The following SYNE2 variants were observed in gnomAD, a reference collection of about 807,000 sequenced individuals.
SYNE2 encodes the protein spectrin repeat containing nuclear envelope protein 2, also known as nesprin-2.
Under a neutral mutation model 856.3 loss-of-function variants are expected in SYNE2, and 431 were observed. The ratio of observed to expected loss-of-function variants is 0.50; its 90% CI spans 0.47 to 0.55. SYNE2 has a LOEUF of 0.55. SYNE2 is among the 20% of genes least tolerant of loss of function. The probability of loss-of-function intolerance (pLI) is 0.00; values close to 1 mark genes in which losing one functional copy is unlikely to be tolerated. For synonymous variants in SYNE2, 2,923 were observed against 2,872.3 expected, an observed-to-expected ratio of 1.02 and a Z score of -0.56; for missense variants, 8,129 against 8,023.2, an observed-to-expected ratio of 1.01 and a Z score of -0.50.
chr14:64,156,112 T>C (rs1445622511), intron 85 of SYNE2, among the ~76,000 whole-genome samples: 1 of 152,218 alleles, frequency 6.6e-6, no homozygotes, highest in East Asian at 1.9e-4. Flanking sequence ...TTTGAAAATA[T>C]TCCTCCCGCT....
At chr14:63,859,241 GTTTA>G in intron 1 of SYNE2, among the ~76,000 whole-genome samples, 1 of 152,260 alleles carries the variant, frequency 6.6e-6, no homozygotes, top group East Asian at 1.9e-4. Flanking sequence ...TAGGCTTGAG[GTTTA>G]TTAATTTTAT....
intron 66 of SYNE2, among the ~76,000 whole-genome samples, chr14:64,116,542 C>T (rs1039068446): frequency 1.6e-4 from 24 of 152,126 alleles, no homozygotes. Flanking sequence ...CTCAGCCTCC[C>T]AAGTAGCTGG....
Position 64,159,395 on chromosome 14 carries a change from CT to C in SYNE2, c.16048del (p.Ser5350LeufsTer5). 2 of 1,613,956 alleles carry C rather than the reference CT, an allele frequency of 1.2e-6. No homozygotes were observed. Among genetic ancestry groups the C allele is most frequent in the Non-Finnish European group, 1.7e-6 (2 of 1,179,900 alleles). On this transcript the variant is annotated frameshift_variant, in exon 87 of 116. Coordinates refer to ENST00000555002, the MANE Select transcript of SYNE2 (RefSeq NM_182914.3). LOFTEE classifies it high-confidence loss of function. ...VIGKLKGLCP[S>X]VAEIIEEKCQ... Reference sequence around the variant, plus strand: ...TCGGCAAACTCAAAGGTCTCTGCCCCTCTGTTGCTGAAATAATCGAAGAGAA... The same window carrying C: ...TCGGCAAACTCAAAGGTCTCTGCCCCCTGTTGCTGAAATAATCGAAGAGAA...
At chr14:64,076,338 G>T (rs767210836) in intron 54 of SYNE2, among the ~76,000 whole-genome samples, 3 of 152,148 alleles carry the variant, frequency 2.0e-5, no homozygotes, top group Admixed American at 2.0e-4. Flanking sequence ...TTCTTCTCTT[G>T]CATTTTATAA....
chr14:63,936,768 G>A (rs1223651854), intron 2 of SYNE2, among the ~76,000 whole-genome samples: 1 of 152,206 alleles, frequency 6.6e-6, no homozygotes. Context: ...ACTGCCTGCT[G>A]TGCTGAGCAT....
rs34926231 is a variant in SYNE2 at position 64,105,160 on chromosome 14, G to C, written c.12493-2331G>C. 8.5e-3 allele frequency among the ~76,000 whole-genome samples: 1,295 copies of C among 152,102 alleles called. 3 individuals are homozygous for C. Among genetic ancestry groups the C allele is most frequent in the Non-Finnish European group, 0.015 (988 of 68,004 alleles). On this transcript the variant is annotated intron_variant, in intron 64 of 115. Coordinates refer to ENST00000555002, the MANE Select transcript of SYNE2 (RefSeq NM_182914.3). ...ATTCTTATTACTTCCCTGGACTTTT[G>C]GAGTAGCCCTCTAATTGGTTTACAG...
At chr14:64,189,038 A>T (rs147485758) in intron 98 of SYNE2, 1 of 700,528 alleles carries the variant, frequency 1.4e-6, no homozygotes, top group South Asian at 1.5e-5. Flanking sequence ...AGTTGTTATT[A>T]AGAAGCTCCC....
chr14:63,995,080 C>G lies in SYNE2; in HGVS notation c.2818C>G (p.Leu940Val). 2 of 1,570,534 alleles carry G rather than the reference C, an allele frequency of 1.3e-6. No homozygotes were observed. The highest frequency in any genetic ancestry group is 2.3e-5 in the South Asian group (2 of 86,790). ...HHELSLYVQQ[L>V]KIDIEKGKLS... Reference sequence around the variant, plus strand: ...TGAACTGTCTTTATATGTTCAACAACTAAAAATAGATATTGAAAAAGGAAA... The same window carrying G: ...TGAACTGTCTTTATATGTTCAACAAGTAAAAATAGATATTGAAAAAGGAAA... Residue 940 changes from leucine (L) to valine (V), a missense_variant, in exon 23 of 116, where the codon CTA (leucine) becomes GTA (valine). Physicochemically the swap from Leu to Val is conservative, Grantham distance 32 (BLOSUM62 1). Transcript: ENST00000555002.
At chr14:64,201,593 C>T (rs1206647207) in intron 99 of SYNE2, among the ~76,000 whole-genome samples, 1 of 152,134 alleles carries the variant, frequency 6.6e-6, no homozygotes, top group African/African-American at 2.4e-5. Flanking sequence ...CTATTGAAGG[C>T]TTTGAGCGTG....
At chr14:64,071,222 C>T (rs1475494249) in intron 52 of SYNE2, among the ~76,000 whole-genome samples, 4 of 152,084 alleles carry the variant, frequency 2.6e-5, no homozygotes, top group African/African-American at 7.2e-5. Flanking sequence ...AGGCCGAGCG[C>T]GGTGGCTCAC....
intron 8 of SYNE2, among the ~76,000 whole-genome samples, chr14:63,959,287 C>CT (rs34198434): frequency 0.032 from 2,635 of 81,378 alleles, 283 homozygotes; most frequent in African/African-American, 0.062. Context: ...TTTTCTTCTT[C>CT]TTTTTTTTTT....
intron 2 of SYNE2, among the ~76,000 whole-genome samples, chr14:63,919,625 A>G (rs1313393248): frequency 6.6e-6 from 1 of 152,190 alleles, no homozygotes; most frequent in Non-Finnish European, 1.5e-5. Flanking sequence ...GAACAAGGAA[A>G]GGACACTGAG....
At position 64,139,902 on chromosome 14, in the gene SYNE2, G is replaced by A. The variant is rs777949890; in HGVS notation, c.14844-39G>A. On this transcript the variant is annotated intron_variant, in intron 79 of 115. Coordinates refer to ENST00000555002, the MANE Select transcript of SYNE2 (RefSeq NM_182914.3). ...GTGATGCATATCATTATCAGAATATGTTTCTAATCTGCCTTCTCTCTCACT... is the reference window on the plus strand; with the variant it reads ...GTGATGCATATCATTATCAGAATATATTTCTAATCTGCCTTCTCTCTCACT... 6 of 1,611,402 alleles carry A rather than the reference G, an allele frequency of 3.7e-6. No individual in the cohort carries two copies. In the Admixed American group the frequency reaches 6.7e-5, roughly 18 times the overall value.
intron 1 of SYNE2, among the ~76,000 whole-genome samples, chr14:63,866,470 C>T (rs1045622092): frequency 6.6e-6 from 1 of 152,126 alleles, no homozygotes; most frequent in African/African-American, 2.4e-5. Flanking sequence ...CAAGACCAGC[C>T]TCAGCAACAC....
Position 63,976,655 on chromosome 14 carries a change from T to TGAA in SYNE2, c.1224_1226dup (p.Glu408dup). ...TCCAGGAGGTAGAAGAGCTTATGGA[T>TGAA]GAAGATTTGTCAGCCTCCCAGGATC... is the stretch of plus-strand genomic sequence containing the variant. On this transcript the variant is annotated inframe_insertion, in exon 12 of 116. Coordinates refer to ENST00000555002, the MANE Select transcript of SYNE2 (RefSeq NM_182914.3). 1 of 1,612,048 alleles carries TGAA rather than the reference T, an allele frequency of 6.2e-7. No individual in the cohort carries two copies. Among genetic ancestry groups the TGAA allele is most frequent in the Non-Finnish European group, 8.5e-7 (1 of 1,179,736 alleles).
chr14:64,113,636 A>G, intron 66 of SYNE2, 65 bp downstream of exon 66: 2 of 1,494,346 alleles, frequency 1.3e-6, no homozygotes, highest in South Asian at 2.4e-5. Flanking sequence ...GATTGGGTGA[A>G]TTTCTCTTAA....
chr14:64,137,231 G>A (rs920442918), intron 78 of SYNE2, among the ~76,000 whole-genome samples: 32 of 152,072 alleles, frequency 2.1e-4, no homozygotes, highest in Non-Finnish European at 7.4e-5. Flanking sequence ...ACACAGTCTC[G>A]CTCTGTCGCT....
intron 63 of SYNE2, chr14:64,099,548 A>G (rs980445507): frequency 1.3e-5 from 2 of 152,854 alleles, no homozygotes; most frequent in African/African-American, 2.4e-5. Flanking sequence ...GTGACCATCA[A>G]ACAACTTTGC....
chr14:64,051,594 A>T lies in SYNE2; in HGVS notation c.7681A>T (p.Lys2561Ter), dbSNP rs1211378375. The change falls in exon 48 of 116, where the codon AAA (lysine) becomes TAA (stop). Residue 2561 changes from lysine to a stop codon, truncating the protein, a stop_gained. Transcript: ENST00000555002. LOFTEE classifies it high-confidence loss of function. ...CAGTGTAACGTATCTGGACAAAATTAAAAAATTCATAGCATCCATAGAAAA... is the reference window on the plus strand; with the variant it reads ...CAGTGTAACGTATCTGGACAAAATTTAAAAATTCATAGCATCCATAGAAAA... ...LDSVTYLDKI[K>*]KFIASIEKEK... 2 of 1,613,590 alleles carry T rather than the reference A, an allele frequency of 1.2e-6. No homozygotes were observed. The highest frequency in any genetic ancestry group is 1.7e-6 in the Non-Finnish European group (2 of 1,179,852).
Sources: allele counts gnomAD v4.1 joint callset (sites outside exome capture counted in the v4.1 genomes callset), GRCh38; gene constraint gnomAD v4.1.1; transcripts MANE v1.5; gene names NCBI Gene and HGNC (gene_info 2026-07-23, HGNC 2026-07-21).